Variants in DCDC1 observed in about 807,000 individuals in gnomAD.
DCDC1 encodes the protein doublecortin domain-containing protein 1.
A neutral mutation model predicts 178.3 loss-of-function variants in DCDC1; 200 were observed. That is an observed-to-expected ratio of 1.12 (90% CI 1.00 to 1.26). The LOEUF (loss-of-function observed/expected upper bound fraction) is 1.26. Ranked by LOEUF, DCDC1 falls within the 50% of genes most tolerant of loss-of-function variation. The pLI is 0.00. For synonymous variants in DCDC1, 690 were observed against 604.8 expected (o/e 1.14, Z -2.07); for missense variants, 1,983 against 1,749.2 (o/e 1.13, Z -2.38).
intron 9 of DCDC1, among the ~76,000 whole-genome samples, chr11:31,231,106 T>C (rs1975714317): frequency 6.6e-6 from 1 of 151,970 alleles, no homozygotes; most frequent in Admixed American, 6.6e-5. Flanking sequence ...ACCACAAGCA[T>C]GCATGCACCA....
At chr11:31,211,986 G>GCTCA (rs1972590964) in intron 9 of DCDC1, among the ~76,000 whole-genome samples, 1 of 151,846 alleles carries the variant, frequency 6.6e-6, no homozygotes. Context: ...GGGAGGCTGA[G>GCTCA]GCAAGAGAAT....
At chr11:31,184,735 TAGAA>T (rs1380996957) in intron 9 of DCDC1, among the ~76,000 whole-genome samples, 1 of 152,142 alleles carries the variant, frequency 6.6e-6, no homozygotes, top group Non-Finnish European at 1.5e-5. Flanking sequence ...TCACACCAGT[TAGAA>T]TGGTGATCAT....
chr11:30,878,706 T>C lies in DCDC1; in HGVS notation c.5239A>G (p.Lys1747Glu), dbSNP rs567296866. 6.5e-7 allele frequency: 1 copy of C among 1,541,458 alleles called. No homozygotes were observed. Among genetic ancestry groups the C allele is most frequent in the African/African-American group, 1.5e-5 (1 of 68,092 alleles). ...GHGFKTPKELKQLMEIRANYA... is the reference protein window; with the variant it reads ...GHGFKTPKELEQLMEIRANYA... ...TTTGCTCTGATCTCCATCAGTTGTT[T>C]TAACTCTGTTAAAAAAAAAAAAAAA... Residue 1747 changes from lysine to glutamate, a missense_variant, in exon 38 of 39, where the codon AAA (lysine) becomes GAA (glutamate). Transcript: ENST00000684477.
At chr11:31,083,470 G>A (rs900002569) in intron 17 of DCDC1, among the ~76,000 whole-genome samples, 1 of 152,146 alleles carries the variant, frequency 6.6e-6, no homozygotes, top group Non-Finnish European at 1.5e-5. Context: ...ATGAAGCAGT[G>A]AGAGCCAGCA....
intron 8 of DCDC1, among the ~76,000 whole-genome samples, chr11:31,252,732 T>C (rs1944132686): frequency 1.3e-5 from 2 of 152,066 alleles, no homozygotes; most frequent in African/African-American, 2.4e-5. Flanking sequence ...TATTCAAATA[T>C]ATGAAAGGCA....
At chr11:30,952,326 G>T in intron 21 of DCDC1, 119 bp downstream of exon 21, 1 of 842,002 alleles carries the variant, frequency 1.2e-6, no homozygotes, top group East Asian at 2.8e-5. Context: ...TAGCAAGTTT[G>T]ATATCTTGCA....
intron 9 of DCDC1, among the ~76,000 whole-genome samples, chr11:31,168,921 T>G (rs779072098): frequency 6.6e-6 from 1 of 152,052 alleles, no homozygotes; most frequent in Non-Finnish European, 1.5e-5. Context: ...AAAATAAGAT[T>G]GAGTATTAAA....
chr11:31,105,972 A>T (rs1958817803), intron 13 of DCDC1, among the ~76,000 whole-genome samples: 1 of 152,220 alleles, frequency 6.6e-6, no homozygotes, highest in Non-Finnish European at 1.5e-5. Context: ...AATTAAAAAT[A>T]GAGAAGTGTG....
rs138279359 is a variant in DCDC1, at chr11:31,167,496, A to G, written c.1222-29712T>C. Among the ~76,000 whole-genome samples the G allele has an allele frequency of 3.5e-3, 531 of 152,130 alleles. 8 individuals are homozygous for G. The highest frequency in any genetic ancestry group is 0.03 in the Admixed American group (462 of 15,266). On this transcript the variant is annotated intron_variant, in intron 9 of 38. Coordinates refer to ENST00000684477, the MANE Select transcript of DCDC1 (RefSeq NM_001387274.1). ...CTCAGATTACACCTTTCTTTTTACT[A>G]TTTCCAGAAAAACCACCCTAGGCTA...
chr11:31,072,984 T>C (rs1956660301), intron 18 of DCDC1, among the ~76,000 whole-genome samples: 2 of 152,126 alleles, frequency 1.3e-5, no homozygotes, highest in Non-Finnish European at 2.9e-5. Flanking sequence ...TTCTGCCTTT[T>C]TAAAAAATAA....
At chr11:30,896,012 A>G (rs1376308373) in intron 34 of DCDC1, among the ~76,000 whole-genome samples, 1 of 152,172 alleles carries the variant, frequency 6.6e-6, no homozygotes, top group African/African-American at 2.4e-5. Flanking sequence ...ACAGGAAAAA[A>G]CATTATGCAT....
chr11:31,251,810 G>A (rs1944056669), intron 8 of DCDC1, among the ~76,000 whole-genome samples: 1 of 152,072 alleles, frequency 6.6e-6, no homozygotes, highest in South Asian at 2.1e-4. Flanking sequence ...GGGTGAGAGA[G>A]AATCCAAGAT....
intron 20 of DCDC1, among the ~76,000 whole-genome samples, chr11:30,990,841 G>A (rs549886603): frequency 3.4e-4 from 52 of 152,304 alleles, no homozygotes; most frequent in African/African-American, 1.3e-3. Context: ...AATCACGCAA[G>A]TGCAGTGAAG....
intron 12 of DCDC1, among the ~76,000 whole-genome samples, chr11:31,108,944 G>A (rs1959026435): frequency 6.6e-6 from 1 of 152,098 alleles, no homozygotes; most frequent in Non-Finnish European, 1.5e-5. Flanking sequence ...TGAAACACGT[G>A]TCCACACAAG....
At chr11:31,172,866 A>C (rs1214332116) in intron 9 of DCDC1, among the ~76,000 whole-genome samples, 2 of 152,152 alleles carry the variant, frequency 1.3e-5, no homozygotes. Context: ...ACATAAGTGA[A>C]CTCATGCAGT....
At chr11:31,356,562 C>T (rs2133343806) in intron 1 of DCDC1, among the ~76,000 whole-genome samples, 1 of 151,202 alleles carries the variant, frequency 6.6e-6, no homozygotes, top group Admixed American at 6.6e-5. Flanking sequence ...CAAAAGCTAC[C>T]AGAAGGCAAG....
At chr11:31,140,625 C>A (rs1963704076) in intron 9 of DCDC1, among the ~76,000 whole-genome samples, 1 of 151,722 alleles carries the variant, frequency 6.6e-6, no homozygotes, top group Non-Finnish European at 1.5e-5. Flanking sequence ...GAACAGTATC[C>A]AAAATGAAAG....
intron 9 of DCDC1, among the ~76,000 whole-genome samples, chr11:31,176,779 C>T (rs1340113271): frequency 6.6e-6 from 1 of 152,000 alleles, no homozygotes; most frequent in Non-Finnish European, 1.5e-5. Context: ...AAATACTCAG[C>T]AAAGAATACT....
At chr11:31,300,168 A>C (rs1247344382) in intron 6 of DCDC1, among the ~76,000 whole-genome samples, 2 of 152,092 alleles carry the variant, frequency 1.3e-5, no homozygotes, top group African/African-American at 4.8e-5. Flanking sequence ...GGTGTAAACT[A>C]TTATGCTCAA....
Sources: allele counts gnomAD v4.1 joint callset (sites outside exome capture counted in the v4.1 genomes callset), GRCh38; gene constraint gnomAD v4.1.1; transcripts MANE v1.5; gene names NCBI Gene and HGNC (gene_info 2026-07-23, HGNC 2026-07-21).